PRKN: variants seen among roughly 807,000 people sequenced by gnomAD.
PRKN encodes the protein E3 ubiquitin-protein ligase parkin.
Under a neutral mutation model 59.5 loss-of-function variants are expected in PRKN, and 56 were observed. The ratio of observed to expected loss-of-function variants is 0.94; its 90% CI spans 0.76 to 1.18. The LOEUF (loss-of-function observed/expected upper bound fraction) is 1.18. PRKN is among the 50% of genes most tolerant of loss of function. The pLI, the probability that PRKN is intolerant of heterozygous loss-of-function variation, is 0.00. For synonymous variants in PRKN, 250 were observed against 222.1 expected, an observed-to-expected ratio of 1.13 and a Z score of -1.12; for missense variants, 657 against 596.4, an observed-to-expected ratio of 1.10 and a Z score of -1.06.
intron 7 of PRKN, among the ~76,000 whole-genome samples, chr6:161,722,825 C>A (rs1179086475): frequency 6.6e-6 from 1 of 152,114 alleles, no homozygotes; most frequent in Non-Finnish European, 1.5e-5. Flanking sequence ...TTTAAAAATT[C>A]TCTAAGAAGT....
At chr6:162,054,402 A>T (rs9365364) in intron 4 of PRKN, among the ~76,000 whole-genome samples, 2 of 152,058 alleles carry the variant, frequency 1.3e-5, no homozygotes, top group Non-Finnish European at 1.5e-5. Flanking sequence ...ATTTTGCTCC[A>T]AACCTGTTCG....
At chr6:161,365,663 G>A (rs903014595) in intron 10 of PRKN, among the ~76,000 whole-genome samples, 1 of 152,118 alleles carries the variant, frequency 6.6e-6, no homozygotes, top group Non-Finnish European at 1.5e-5. Context: ...TCTGACTTCC[G>A]ATCCCCCGAG....
chr6:162,067,631 G>A (rs982654240), intron 4 of PRKN, among the ~76,000 whole-genome samples: 8 of 152,080 alleles, frequency 5.3e-5, no homozygotes, highest in East Asian at 3.9e-4. Flanking sequence ...CAGATTACAC[G>A]CGACATGCAC....
Position 161,499,385 on chromosome 6 carries a change from GAGAA to G in PRKN, c.1083+49465_1083+49468del, listed in dbSNP as rs1327174804. ...AAGGGCTGTGTTTTTCTAAAAGTAA[GAGAA>G]AGAGTGTATTTCTTTGTGGAGTGCA... On this transcript the variant is annotated intron_variant, in intron 9 of 11. Transcript: ENST00000366898. The surrounding 1 kb of genome is among the most constrained non-coding windows in gnomAD (Gnocchi z 4.2). Among the ~76,000 whole-genome samples, 1 of 152,176 alleles carries G rather than the reference GAGAA, an allele frequency of 6.6e-6. No individual in the cohort carries two copies. The highest frequency in any genetic ancestry group is 1.5e-5 in the Non-Finnish European group (1 of 68,034).
In PRKN at chr6:161,397,370, C is replaced by A. The variant is rs532155794; in HGVS notation, c.1084-10493G>T. On this transcript the variant is annotated intron_variant, in intron 9 of 11. Transcript: ENST00000366898. The surrounding 1 kb of genome is among the most constrained non-coding windows in gnomAD (Gnocchi z 4.2). ...TTGAATTGAGTATTCTTGTGTAAGTCTTAAGGGTCCCATAGAAGAGATCCA... is the reference window on the plus strand; with the variant it reads ...TTGAATTGAGTATTCTTGTGTAAGTATTAAGGGTCCCATAGAAGAGATCCA... Among the ~76,000 whole-genome samples, 1 of 152,170 alleles carries A rather than the reference C, an allele frequency of 6.6e-6. No individual in the cohort carries two copies. Among genetic ancestry groups the A allele is most frequent in the African/African-American group, 2.4e-5 (1 of 41,422 alleles).
intron 7 of PRKN, among the ~76,000 whole-genome samples, chr6:161,680,817 A>G (rs1785333481): frequency 7.1e-6 from 1 of 141,166 alleles, no homozygotes; most frequent in African/African-American, 2.7e-5. Flanking sequence ...ATGGAAAGGT[A>G]CTAAGCAGCT....
rs182539919 is a variant in PRKN, at chr6:162,360,884, T to C, written c.171+82426A>G. Among the ~76,000 whole-genome samples the C allele has an allele frequency of 1.3e-3, 196 of 152,324 alleles. 1 individual carries two copies. The highest frequency in any genetic ancestry group is 4.5e-3 in the African/African-American group (187 of 41,578). On this transcript the variant is annotated intron_variant, in intron 2 of 11. Coordinates refer to ENST00000366898, the MANE Select transcript of PRKN (RefSeq NM_004562.3). ...AAAAATGGTAAAAGGATAAAGGAAC[T>C]GGCCTTTGAGAGACAACATGGATGA...
At chr6:162,257,428 A>T (rs78877634) in intron 3 of PRKN, among the ~76,000 whole-genome samples, 5,497 of 152,260 alleles carry the variant, frequency 0.036, 277 homozygotes, top group African/African-American at 0.1. Flanking sequence ...TTAAGACTAT[A>T]TCTACTTTCT....
At chr6:162,105,483 C>T (rs760398093) in intron 4 of PRKN, among the ~76,000 whole-genome samples, 7 of 152,194 alleles carry the variant, frequency 4.6e-5, no homozygotes, top group Non-Finnish European at 8.8e-5. Flanking sequence ...CTCACTGCAA[C>T]CTCCACTTCC....
intron 5 of PRKN, among the ~76,000 whole-genome samples, chr6:162,015,042 A>G (rs1252616932): frequency 1.3e-5 from 2 of 152,138 alleles, no homozygotes; most frequent in Non-Finnish European, 2.9e-5. Context: ...TTTAAAACAT[A>G]TTATCTTGAG....
At chr6:162,309,047 A>T (rs1329879944) in intron 2 of PRKN, among the ~76,000 whole-genome samples, 4 of 152,190 alleles carry the variant, frequency 2.6e-5, no homozygotes, top group Admixed American at 2.6e-4. Context: ...TATGTGTCTC[A>T]GAGACTGGCT....
At position 161,549,414 on chromosome 6, in the gene PRKN, T is replaced by C. The variant is rs774225583; in HGVS notation, c.934-411A>G. On this transcript the variant is annotated intron_variant, in intron 8 of 11. Transcript: ENST00000366898. This position sits in a 1 kb window ranked among gnomAD's most constrained non-coding sequence, Gnocchi z 6.0. ...CATCGCTATCAATCTTATAAAGCAA[T>C]ATATTGTCATGCCTCTATTTAAAAT... 2.6e-5 allele frequency among the ~76,000 whole-genome samples: 4 copies of C among 152,186 alleles called. No individual in the cohort carries two copies. Among genetic ancestry groups the C allele is most frequent in the Admixed American group, 6.5e-5 (1 of 15,286 alleles).
chr6:161,626,865 G>A (rs896863803), intron 7 of PRKN, among the ~76,000 whole-genome samples: 1 of 152,148 alleles, frequency 6.6e-6, no homozygotes, highest in Non-Finnish European at 1.5e-5. Flanking sequence ...AATTAACATG[G>A]TCACCCTCCC....
At chr6:162,238,860 G>A (rs534694804) in intron 3 of PRKN, among the ~76,000 whole-genome samples, 1 of 152,278 alleles carries the variant, frequency 6.6e-6, no homozygotes, top group East Asian at 1.9e-4. Context: ...GGAAGCAAAG[G>A]ATGATGCCGA....
At chr6:162,080,120 G>A (rs1778997471) in intron 4 of PRKN, among the ~76,000 whole-genome samples, 1 of 152,046 alleles carries the variant, frequency 6.6e-6, no homozygotes, top group African/African-American at 2.4e-5. Flanking sequence ...CTATCATCCT[G>A]TGTGTTTATT....
intron 1 of PRKN, among the ~76,000 whole-genome samples, chr6:162,532,135 G>A (rs35707282): frequency 0.35 from 52,990 of 151,494 alleles, 11,103 homozygotes; most frequent in Middle Eastern, 0.51. Flanking sequence ...CCTGAATTGT[G>A]TTTTTAAGGT....
In PRKN at chr6:161,467,670, A is replaced by G. The variant is rs868777980; in HGVS notation, c.1084-80793T>C. On this transcript the variant is annotated intron_variant, in intron 9 of 11. Coordinates refer to ENST00000366898, the MANE Select transcript of PRKN (RefSeq NM_004562.3). This position sits in a 1 kb window ranked among gnomAD's most constrained non-coding sequence, Gnocchi z 4.3. ...GTCTCAAAGGATGTGCAGGAGCGACAGAGGCTGCAAATGCCTGCCCAATAT... is the reference window on the plus strand; with the variant it reads ...GTCTCAAAGGATGTGCAGGAGCGACGGAGGCTGCAAATGCCTGCCCAATAT... 6.6e-6 allele frequency among the ~76,000 whole-genome samples: 1 copy of G among 152,212 alleles called. No individual in the cohort carries two copies. Among genetic ancestry groups the G allele is most frequent in the South Asian group, 2.1e-4 (1 of 4,828 alleles).
chr6:162,237,545 A>T (rs1337374934), intron 3 of PRKN, among the ~76,000 whole-genome samples: 1 of 152,240 alleles, frequency 6.6e-6, no homozygotes, highest in East Asian at 1.9e-4. Flanking sequence ...CAACAAAGGC[A>T]GCCGAATGGC....
chr6:162,404,511 T>C (rs559476762), intron 2 of PRKN, among the ~76,000 whole-genome samples: 44 of 152,152 alleles, frequency 2.9e-4, no homozygotes, highest in Non-Finnish European at 1.2e-4. Flanking sequence ...GGATTCCAAA[T>C]AGTACACTCA....
Sources: allele counts gnomAD v4.1 joint callset (sites outside exome capture counted in the v4.1 genomes callset), GRCh38; gene constraint gnomAD v4.1.1; non-coding constraint Gnocchi (gnomAD v3.1); transcripts MANE v1.5; gene names NCBI Gene and HGNC (gene_info 2026-07-23, HGNC 2026-07-21).